Variants in UBE2D2 observed in about 807,000 individuals in gnomAD.
The protein encoded by UBE2D2 is ubiquitin-conjugating enzyme E2 D2.
In UBE2D2, 2 loss-of-function variants were observed where a neutral mutation model predicts 24.2. The observed-to-expected ratio is 0.08, with a 90% confidence interval of 0.03 to 0.26. The LOEUF is 0.26. Among genes scored for constraint, UBE2D2 ranks in the 10% least tolerant of loss-of-function variants. The pLI is 1.00. For synonymous variants in UBE2D2, 58 were observed against 56.5 expected (o/e 1.03, Z -0.12); for missense variants, 44 against 177.6 (o/e 0.25, Z 4.28).
chr5:139,544,912 G>C (rs1287411075), intron 1 of UBE2D2, among the ~76,000 whole-genome samples: 1 of 152,012 alleles, frequency 6.6e-6, no homozygotes, highest in Non-Finnish European at 1.5e-5. Context: ...AAGTAGCTGG[G>C]ACTACAGGTG....
intron 1 of UBE2D2, among the ~76,000 whole-genome samples, chr5:139,580,685 T>TC (rs1261029183): frequency 2.6e-5 from 4 of 152,138 alleles, no homozygotes; most frequent in African/African-American, 9.7e-5. Flanking sequence ...GACGTCATGA[T>TC]CCACCCATCT....
At chr5:139,608,083 T>C (rs1334340881) in intron 2 of UBE2D2, among the ~76,000 whole-genome samples, 1 of 152,030 alleles carries the variant, frequency 6.6e-6, no homozygotes, top group Non-Finnish European at 1.5e-5. Context: ...AGCGTGGGTA[T>C]GAAAGATTGC....
At chr5:139,559,424 T>G (rs1020709990), upstream of UBE2D2, among the ~76,000 whole-genome samples, 53 of 140,640 alleles carry the variant, frequency 3.8e-4, no homozygotes, top group African/African-American at 1.2e-3. Flanking sequence ...AGACTCCGTC[T>G]CAAAAAAAAA....
intron 1 of UBE2D2, among the ~76,000 whole-genome samples, chr5:139,597,000 T>G (rs2126682288): frequency 6.6e-6 from 1 of 151,820 alleles, no homozygotes; most frequent in South Asian, 2.1e-4. Context: ...TGAGCCAAGA[T>G]CGTGCCACTG....
At chr5:139,581,392 T>G (rs1317736410) in intron 1 of UBE2D2, among the ~76,000 whole-genome samples, 1 of 151,488 alleles carries the variant, frequency 6.6e-6, no homozygotes, top group Admixed American at 6.6e-5. Flanking sequence ...GAGGTTGCAG[T>G]GAGCCGAGAT....
At chr5:139,595,620 C>A (rs1353631927) in intron 1 of UBE2D2, among the ~76,000 whole-genome samples, 2 of 151,994 alleles carry the variant, frequency 1.3e-5, no homozygotes, top group African/African-American at 2.4e-5. Context: ...TCAGGTGAGC[C>A]ACTGTGCCCA....
intron 2 of UBE2D2, among the ~76,000 whole-genome samples, chr5:139,608,671 C>G (rs1386774446): frequency 1.3e-5 from 2 of 152,150 alleles, no homozygotes; most frequent in African/African-American, 4.8e-5. Context: ...TGCTTCAACC[C>G]TGTTGGGGAT....
At chr5:139,591,116 T>C (rs367786237) in intron 1 of UBE2D2, among the ~76,000 whole-genome samples, 25 of 144,156 alleles carry the variant, frequency 1.7e-4, no homozygotes, top group African/African-American at 5.9e-4. Context: ...TATTTTCTTT[T>C]TCTCTCTCTC....
At chr5:139,567,031 A>C (rs1753238840) in intron 1 of UBE2D2, among the ~76,000 whole-genome samples, 1 of 152,192 alleles carries the variant, frequency 6.6e-6, no homozygotes, top group Non-Finnish European at 1.5e-5. Flanking sequence ...TAAAAAGATT[A>C]AGTCATTTAA....
At chr5:139,594,826 G>A (rs1221112291) in intron 1 of UBE2D2, among the ~76,000 whole-genome samples, 1 of 152,122 alleles carries the variant, frequency 6.6e-6, no homozygotes, top group African/African-American at 2.4e-5. Flanking sequence ...ATCCATGAAA[G>A]GTTGGTCCCA....
At chr5:139,619,033 G>A (rs538488645) in intron 5 of UBE2D2, among the ~76,000 whole-genome samples, 5 of 152,294 alleles carry the variant, frequency 3.3e-5, no homozygotes, top group African/African-American at 1.2e-4. Flanking sequence ...AAGGGAAGCA[G>A]ATAAGTGTGC....
chr5:139,536,055 G>C (rs1385673317), intron 1 of UBE2D2, among the ~76,000 whole-genome samples: 1 of 151,098 alleles, frequency 6.6e-6, no homozygotes, highest in African/African-American at 2.4e-5. Flanking sequence ...ACCACACCCG[G>C]CTAAGTTTTG....
chr5:139,577,690 A>C (rs1753509974), intron 1 of UBE2D2, among the ~76,000 whole-genome samples: 2 of 152,204 alleles, frequency 1.3e-5, no homozygotes, highest in East Asian at 3.8e-4. Context: ...CTGGGATTAC[A>C]GGCATGAGCC....
rs1185562913 is a variant in UBE2D2 at position 139,554,207 on chromosome 5, GAAT to G, written c.-64+27600_-64+27602del. 3.3e-5 allele frequency among the ~76,000 whole-genome samples: 5 copies of G among 152,098 alleles called. No individual in the cohort carries two copies. In the East Asian group the frequency reaches 9.7e-4, roughly 29 times the overall value. On this transcript the variant is annotated intron_variant, in intron 1 of 6. Coordinates refer to the UBE2D2 transcript ENST00000511725. ...TTTTTTTTAAAGGCTCATGCAGACAGAATAATACTGAGAATGGGGTCTCATTGT... is the reference window on the plus strand; with the variant it reads ...TTTTTTTTAAAGGCTCATGCAGACAGAATACTGAGAATGGGGTCTCATTGT...
intron 1 of UBE2D2, among the ~76,000 whole-genome samples, chr5:139,541,232 A>G (rs1433031334): frequency 1.3e-5 from 2 of 150,960 alleles, no homozygotes; most frequent in African/African-American, 4.9e-5. Flanking sequence ...TGAGAGATGG[A>G]GGTTGCAGTG....
At chr5:139,610,707 T>TC (rs1169660762) in intron 2 of UBE2D2, among the ~76,000 whole-genome samples, 1 of 151,708 alleles carries the variant, frequency 6.6e-6, no homozygotes, top group East Asian at 1.9e-4. Flanking sequence ...ATCCCGTCTC[T>TC]ACAGAAAATA....
chr5:139,576,288 G>T (rs1377976217), intron 1 of UBE2D2, among the ~76,000 whole-genome samples: 3 of 152,158 alleles, frequency 2.0e-5, no homozygotes, highest in Non-Finnish European at 4.4e-5. Flanking sequence ...TCCATACTCT[G>T]GATGTTCTAG....
intron 6 of UBE2D2, 33 bp downstream of exon 6, chr5:139,623,494 TG>T: frequency 6.5e-7 from 1 of 1,538,342 alleles, no homozygotes; most frequent in Non-Finnish European, 9.0e-7. Context: ...AAGTTATCTG[TG>T]GTGGGATGGA....
chr5:139,601,613 C>CA lies in UBE2D2; in HGVS notation c.88+1184dup, dbSNP rs549300659. On this transcript the variant is annotated intron_variant, in intron 2 of 6. Transcript: ENST00000398733. ...TGGGCGACAGAGTGAGACGCTGTCT[C>CA]AAAAAATAAAAACAGGACGGGGCGT... 3.3e-5 allele frequency among the ~76,000 whole-genome samples: 5 copies of CA among 151,426 alleles called. No individual in the cohort carries two copies. The East Asian group carries it at 9.7e-4, about 29-fold the overall frequency.
Sources: allele counts gnomAD v4.1 joint callset (sites outside exome capture counted in the v4.1 genomes callset), GRCh38; gene constraint gnomAD v4.1.1; transcripts MANE v1.5; gene names NCBI Gene and HGNC (gene_info 2026-07-23, HGNC 2026-07-21).